Variants in BTD observed in about 807,000 individuals in gnomAD.
BTD encodes the protein biocytinase.
Under a neutral mutation model 17.7 loss-of-function variants are expected in BTD, and 13 were observed. That is an observed-to-expected ratio of 0.74 (90% CI 0.48 to 1.17). The LOEUF is 1.17. Ranked by LOEUF, BTD falls within the 50% of genes most tolerant of loss-of-function variation. The probability of loss-of-function intolerance (pLI) is 0.00; values close to 1 mark genes in which losing one functional copy is unlikely to be tolerated. For synonymous variants in BTD, 240 were observed against 245.2 expected, an observed-to-expected ratio of 0.98 and a Z score of 0.20; for missense variants, 674 against 650.4, an observed-to-expected ratio of 1.04 and a Z score of -0.39.
downstream of BTD, among the ~76,000 whole-genome samples, chr3:15,654,766 C>T (rs1164487654): frequency 1.3e-5 from 2 of 151,208 alleles, no homozygotes; most frequent in African/African-American, 4.9e-5. Context: ...TGGAATTTTG[C>T]ACTTGTTGCC....
chr3:15,704,352 G>A (rs2071054925), intron 3 of BTD, among the ~76,000 whole-genome samples: 1 of 151,878 alleles, frequency 6.6e-6, no homozygotes, highest in Admixed American at 6.6e-5. Context: ...GAGGATGAAG[G>A]GATAAAAGGC....
rs2065643507 is a variant in BTD at position 15,644,705 on chromosome 3, G to A, written c.789G>A (p.Glu263=). 6.2e-7 allele frequency: 1 copy of A among 1,614,092 alleles called. No homozygotes were observed. Among genetic ancestry groups the A allele is most frequent in the African/African-American group, 1.3e-5 (1 of 74,922 alleles). The change falls in exon 4 of 4, where the codon GAG becomes GAA. Residue 263 remains glutamate (E), a synonymous_variant. Transcript: ENST00000643237. ...AGCTCCCACTCTTGGCAGCAATTGA[G>A]ATTCAGAAAGCTTTTGCTGTTGCCT... The part of the protein sequence containing the change: ...MNQLPLLAAI[E]IQKAFAVAFG...
In BTD at chr3:15,721,132, T is replaced by G; in HGVS notation, c.1016-638T>G. ...ATAGGCATTTGGTTCATTCATCTAT[T>G]AGAAGGGAAAAAAATGCGAATGTTA... On this transcript the variant is annotated intron_variant, in intron 4 of 4. Transcript: ENST00000672427. 3 of 1,599,080 alleles carry G rather than the reference T, an allele frequency of 1.9e-6. No homozygotes were observed. The South Asian group carries it at 3.4e-5, about 18-fold the overall frequency.
intron 3 of BTD, chr3:15,670,047 T>C: frequency 2.0e-6 from 1 of 511,376 alleles, no homozygotes; most frequent in Admixed American, 3.4e-5. Flanking sequence ...AATTCTGACA[T>C]CAATGTGTTT....
In BTD at chr3:15,690,085, T is replaced by C; in HGVS notation, c.400-19975T>C. Reference sequence around the variant, plus strand: ...ACTAAGATTGAGGCTCCCTGATTAATGAGTACATCCACACATTCAACATGG... The same window carrying C: ...ACTAAGATTGAGGCTCCCTGATTAACGAGTACATCCACACATTCAACATGG... On this transcript the variant is annotated intron_variant, in intron 3 of 3. Coordinates refer to the BTD transcript ENST00000672141. 6.2e-7 allele frequency: 1 copy of C among 1,612,440 alleles called. No individual in the cohort carries two copies. Among genetic ancestry groups the C allele is most frequent in the Non-Finnish European group, 8.5e-7 (1 of 1,179,188 alleles).
chr3:15,720,027 G>A (rs563267528), intron 4 of BTD, among the ~76,000 whole-genome samples: 4 of 152,100 alleles, frequency 2.6e-5, no homozygotes, highest in African/African-American at 9.6e-5. Flanking sequence ...GAGCCACCAT[G>A]CCAAGCTCAT....
chr3:15,702,065 T>A (rs539081204), intron 3 of BTD, among the ~76,000 whole-genome samples: 2 of 152,354 alleles, frequency 1.3e-5, no homozygotes, highest in South Asian at 4.1e-4. Context: ...CTTTCAGATT[T>A]TGCTAAACAA....
downstream of BTD, among the ~76,000 whole-genome samples, chr3:15,658,268 A>T (rs2065891209): frequency 6.6e-6 from 1 of 152,192 alleles, no homozygotes; most frequent in African/African-American, 2.4e-5. Flanking sequence ...ACAGTGTCCT[A>T]TGGACAAGTT....
chr3:15,626,716 G>T (rs143282327), intron 1 of BTD, among the ~76,000 whole-genome samples: 6 of 149,856 alleles, frequency 4.0e-5, no homozygotes, highest in African/African-American at 1.5e-4. Flanking sequence ...GTTTGAGGCT[G>T]CTGTGAGCTA....
chr3:15,644,970 G>C lies in BTD; in HGVS notation c.1054G>C (p.Glu352Gln). Reference sequence around the variant, plus strand: ...AATTTTGTCAGGCGATCCGTACTGTGAGAAGGATGCTCAGGAAGTCCACTG... The same window carrying C: ...AATTTTGTCAGGCGATCCGTACTGTCAGAAGGATGCTCAGGAAGTCCACTG... ...LKILSGDPYC[E>Q]KDAQEVHCDE... The change falls in exon 4 of 4, where the codon GAG (glutamate) becomes CAG (glutamine). Residue 352 changes from glutamate (E) to glutamine (Q), a missense_variant. By Grantham distance (29) the Glu-to-Gln change is conservative (BLOSUM62 2). Coordinates refer to ENST00000643237, the MANE Select transcript of BTD (RefSeq NM_001370658.1). 1 of 1,614,218 alleles carries C rather than the reference G, an allele frequency of 6.2e-7. No homozygotes were observed. The highest frequency in any genetic ancestry group is 8.5e-7 in the Non-Finnish European group (1 of 1,180,030).
rs771115947 is a variant in BTD at position 15,702,386 on chromosome 3, T to C, written c.400-7674T>C. Among the ~76,000 whole-genome samples the C allele has an allele frequency of 2.0e-4, 30 of 152,314 alleles. 1 individual carries two copies. Among genetic ancestry groups the C allele is most frequent in the South Asian group, 1.2e-3 (6 of 4,822 alleles). On this transcript the variant is annotated intron_variant, in intron 3 of 3. Coordinates refer to the BTD transcript ENST00000672141. ...AAGAGTCTGTATACTCTTTTTTCTGTTTGCACATTAACACATGTTCATTTT... is the reference window on the plus strand; with the variant it reads ...AAGAGTCTGTATACTCTTTTTTCTGCTTGCACATTAACACATGTTCATTTT...
intron 2 of BTD, among the ~76,000 whole-genome samples, chr3:15,637,580 CAT>C (rs747850594): frequency 1.1e-4 from 16 of 152,178 alleles, no homozygotes; most frequent in Non-Finnish European, 2.2e-4. Flanking sequence ...GTCATTCACA[CAT>C]ATGATACACA....
intron 3 of BTD, chr3:15,667,662 T>C (rs546609143): frequency 1.3e-5 from 2 of 152,322 alleles, no homozygotes; most frequent in East Asian, 3.9e-4. Flanking sequence ...AGACAGTACT[T>C]TGGGGTTTCC....
Position 15,635,416 on chromosome 3 carries a change from CA to C in BTD, c.-16-7del, listed in dbSNP as rs1283830414. On this transcript the variant is annotated splice_polypyrimidine_tract_variant and splice_region_variant and intron_variant, in intron 1 of 3. Coordinates refer to ENST00000643237, the MANE Select transcript of BTD (RefSeq NM_001370658.1). This position sits in a 1 kb window ranked among gnomAD's most constrained non-coding sequence, Gnocchi z 4.1. ...CAGCTGTTTTCCCCTTGCCCCATTA[CA>C]TTCCAGATTTGTGGTCTGCATTATG... 1 of 1,614,246 alleles carries C rather than the reference CA, an allele frequency of 6.2e-7. No homozygotes were observed. The highest frequency in any genetic ancestry group is 8.5e-7 in the Non-Finnish European group (1 of 1,180,042).
intron 2 of BTD, among the ~76,000 whole-genome samples, chr3:15,636,335 C>A (rs2065347541): frequency 6.6e-6 from 1 of 152,208 alleles, no homozygotes; most frequent in Admixed American, 6.5e-5. Context: ...ATAGAACTGA[C>A]CCCAAACTGA....
downstream of BTD, among the ~76,000 whole-genome samples, chr3:15,713,303 T>C (rs750545671): frequency 1.3e-5 from 2 of 152,130 alleles, no homozygotes; most frequent in Admixed American, 6.5e-5. Flanking sequence ...TTACTCAAAG[T>C]GAGAAAGAAC....
At chr3:15,601,593 G>A (rs1359948135), upstream of BTD, 7 of 1,583,490 alleles carry the variant, frequency 4.4e-6, no homozygotes, top group East Asian at 2.3e-5. Flanking sequence ...GCAACCAACT[G>A]CCTTAAACAA....
At chr3:15,709,248 T>TA (rs1284108250) in intron 3 of BTD, among the ~76,000 whole-genome samples, 1 of 152,172 alleles carries the variant, frequency 6.6e-6, no homozygotes, top group African/African-American at 2.4e-5. Flanking sequence ...TCCTCCCTCT[T>TA]ACTACTGCTC....
intron 3 of BTD, among the ~76,000 whole-genome samples, chr3:15,685,623 A>C (rs963836251): frequency 2.0e-5 from 3 of 152,262 alleles, no homozygotes; most frequent in Non-Finnish European, 4.4e-5. Flanking sequence ...ATTCAGTTAA[A>C]GCAAGAACCC....
Sources: gnomAD v4.1 joint callset for allele counts (sites outside exome capture counted in the v4.1 genomes callset) on GRCh38, gnomAD v4.1.1 for gene constraint, Gnocchi (gnomAD v3.1) non-coding constraint, MANE v1.5 for transcripts, NCBI Gene and HGNC (gene_info 2026-07-23, HGNC 2026-07-21) for gene names.